PRKD1: variants seen among roughly 807,000 people sequenced by gnomAD.
PRKD1 encodes serine/threonine-protein kinase D1.
A neutral mutation model predicts 95.9 loss-of-function variants in PRKD1; 63 were observed. That is an observed-to-expected ratio of 0.66 (90% CI 0.54 to 0.81). PRKD1 has a LOEUF of 0.81. PRKD1 is among the 30% of genes least tolerant of loss of function. The pLI, the probability that PRKD1 is intolerant of heterozygous loss-of-function variation, is 0.00. For missense variants in PRKD1, 1,048 were observed against 1,165.3 expected, an observed-to-expected ratio of 0.90 and a Z score of 1.47; for synonymous variants, 425 against 423.1, an observed-to-expected ratio of 1.00 and a Z score of -0.05.
At chr14:29,885,253 T>G (rs533372604) in intron 1 of PRKD1, among the ~76,000 whole-genome samples, 2 of 152,226 alleles carry the variant, frequency 1.3e-5, no homozygotes, top group Admixed American at 1.3e-4. Flanking sequence ...AAGCAAACAT[T>G]GCTAAAAATA....
Position 29,684,985 on chromosome 14 carries a change from CA to C in PRKD1, c.404-18778del, listed in dbSNP as rs1472135542. ...TATTCTACAAAAAGCATATCTCAAA[CA>C]AAGCTTTACTATTATTATTGTTTGT... is the stretch of plus-strand genomic sequence containing the variant. On this transcript the variant is annotated intron_variant, in intron 2 of 17. Transcript: ENST00000331968. 3.2e-4 allele frequency among the ~76,000 whole-genome samples: 48 copies of C among 152,280 alleles called. 1 individual carries two copies. Among genetic ancestry groups the C allele is most frequent in the Admixed American group, 3.1e-3 (48 of 15,288 alleles).
At chr14:29,624,977 T>G (rs1175675960) in intron 12 of PRKD1, among the ~76,000 whole-genome samples, 3 of 152,164 alleles carry the variant, frequency 2.0e-5, no homozygotes, top group Admixed American at 2.0e-4. Context: ...CAGTGTTAAT[T>G]GAATCTGAAA....
chr14:29,884,245 T>G (rs1298252934), intron 1 of PRKD1, among the ~76,000 whole-genome samples: 1 of 152,194 alleles, frequency 6.6e-6, no homozygotes, highest in Non-Finnish European at 1.5e-5. Context: ...GGCAAGGTTT[T>G]CAATCAGTTA....
chr14:29,777,288 T>C lies in PRKD1; in HGVS notation c.265-51614A>G, dbSNP rs150258863. ...ATAATGACAAGATCAAATTCACACA[T>C]AACAGTATTAACCTTAAATGTAAAT... On this transcript the variant is annotated intron_variant, in intron 1 of 17. Coordinates refer to ENST00000331968, the MANE Select transcript of PRKD1 (RefSeq NM_002742.3). Among the ~76,000 whole-genome samples the C allele has an allele frequency of 2.8e-4, 42 of 152,200 alleles. No individual in the cohort carries two copies. The East Asian group carries it at 6.4e-3, about 23-fold the overall frequency.
chr14:29,621,766 C>T (rs929591793), intron 13 of PRKD1, among the ~76,000 whole-genome samples: 1 of 152,086 alleles, frequency 6.6e-6, no homozygotes, highest in Non-Finnish European at 1.5e-5. Flanking sequence ...GTGTTTGGCT[C>T]ATAATATGTA....
At chr14:29,858,824 CA>C (rs1230076670) in intron 1 of PRKD1, among the ~76,000 whole-genome samples, 1 of 151,670 alleles carries the variant, frequency 6.6e-6, no homozygotes, top group Non-Finnish European at 1.5e-5. Context: ...ATAGGAAAAA[CA>C]AAAACAAAAA....
chr14:29,681,182 C>G (rs1883521580), intron 2 of PRKD1, among the ~76,000 whole-genome samples: 1 of 152,130 alleles, frequency 6.6e-6, no homozygotes, highest in Non-Finnish European at 1.5e-5. Context: ...CTTGTAAAAG[C>G]AGCAAAAGAA....
chr14:29,669,882 AAAAAC>A (rs1342603614), intron 2 of PRKD1, among the ~76,000 whole-genome samples: 1 of 152,200 alleles, frequency 6.6e-6, no homozygotes, highest in East Asian at 1.9e-4. Flanking sequence ...AACAAAAAAC[AAAAAC>A]AAAACAAAAC....
chr14:29,877,283 A>G (rs573646419), intron 1 of PRKD1, among the ~76,000 whole-genome samples: 4 of 152,244 alleles, frequency 2.6e-5, no homozygotes, highest in African/African-American at 4.8e-5. Context: ...TGCTATGGGA[A>G]AAAGTTTGGC....
At chr14:29,785,285 CTT>C (rs1295232410) in intron 1 of PRKD1, among the ~76,000 whole-genome samples, 1 of 152,118 alleles carries the variant, frequency 6.6e-6, no homozygotes, top group African/African-American at 2.4e-5. Context: ...ATGACAACCT[CTT>C]TGGTCAAATT....
Position 29,875,127 on chromosome 14 carries a change from C to A in PRKD1, c.264+52122G>T, listed in dbSNP as rs1428473997. On this transcript the variant is annotated intron_variant, in intron 1 of 17. Coordinates refer to ENST00000331968, the MANE Select transcript of PRKD1 (RefSeq NM_002742.3). Reference sequence around the variant, plus strand: ...TTCTTTATACTTGTAAAGATTTTACCCTGAGAGATGCAACACACCTATCTT... The same window carrying A: ...TTCTTTATACTTGTAAAGATTTTACACTGAGAGATGCAACACACCTATCTT... 2.6e-5 allele frequency among the ~76,000 whole-genome samples: 4 copies of A among 151,714 alleles called. No homozygotes were observed. The East Asian group carries it at 5.8e-4, about 22-fold the overall frequency.
chr14:29,828,765 C>A (rs1241205084), intron 1 of PRKD1, among the ~76,000 whole-genome samples: 1 of 152,076 alleles, frequency 6.6e-6, no homozygotes, highest in Non-Finnish European at 1.5e-5. Context: ...GATATAAACA[C>A]CTTGAAACCA....
In PRKD1 at chr14:29,577,002, A is replaced by C; in HGVS notation, c.*236T>G. The C allele has an allele frequency of 3.6e-6, 2 of 558,074 alleles. No individual in the cohort carries two copies. Among genetic ancestry groups the C allele is most frequent in the Non-Finnish European group, 6.4e-6 (2 of 311,216 alleles). 34.6% of individuals were successfully genotyped at this position (558,074 alleles called of 1,614,324 possible). On this transcript the variant is annotated 3_prime_UTR_variant, in exon 18 of 18. Coordinates refer to ENST00000331968, the MANE Select transcript of PRKD1 (RefSeq NM_002742.3). Reference sequence around the variant, plus strand: ...ATTAAATATAACATGAATCATTCACAATAACAAGTTTCGTGTTTCAGGGAA... The same window carrying C: ...ATTAAATATAACATGAATCATTCACCATAACAAGTTTCGTGTTTCAGGGAA...
chr14:29,604,713 G>A (rs555297791), intron 13 of PRKD1, among the ~76,000 whole-genome samples: 73 of 152,142 alleles, frequency 4.8e-4, no homozygotes, highest in African/African-American at 1.6e-3. Flanking sequence ...ATCCTTAAAC[G>A]CCTTATTAAA....
At chr14:29,848,371 C>CCA (rs140921446) in intron 1 of PRKD1, among the ~76,000 whole-genome samples, 1 of 151,552 alleles carries the variant, frequency 6.6e-6, no homozygotes, top group Non-Finnish European at 1.5e-5. Context: ...CCCACTCCAC[C>CCA]CACACACACA....
chr14:29,818,696 A>G (rs1890792352), intron 1 of PRKD1, among the ~76,000 whole-genome samples: 2 of 152,032 alleles, frequency 1.3e-5, no homozygotes, highest in African/African-American at 4.8e-5. Flanking sequence ...AAAGTCACTA[A>G]TAGTTATTTT....
chr14:29,913,372 G>C (rs192831194), intron 1 of PRKD1, among the ~76,000 whole-genome samples: 1 of 152,136 alleles, frequency 6.6e-6, no homozygotes, highest in East Asian at 1.9e-4. Context: ...GTTTGTTTTT[G>C]TTAGTGAATA....
chr14:29,739,993 A>C (rs1398999104), intron 1 of PRKD1, among the ~76,000 whole-genome samples: 4 of 152,202 alleles, frequency 2.6e-5, no homozygotes. Context: ...TTTTAAAATA[A>C]ATGTTCATAT....
chr14:29,721,870 G>C (rs1885914487), intron 2 of PRKD1, among the ~76,000 whole-genome samples: 1 of 151,948 alleles, frequency 6.6e-6, no homozygotes, highest in Non-Finnish European at 1.5e-5. Context: ...CTGGCTTACT[G>C]CGTTTAAATG....
Sources: allele counts gnomAD v4.1 joint callset (sites outside exome capture counted in the v4.1 genomes callset), GRCh38; gene constraint gnomAD v4.1.1; transcripts MANE v1.5; gene names NCBI Gene and HGNC (gene_info 2026-07-23, HGNC 2026-07-21).